The following PLXDC2 variants were observed in gnomAD, a reference collection of about 807,000 sequenced individuals.
PLXDC2 encodes plexin domain containing 2, also known as plexin domain-containing protein 2.
A neutral mutation model predicts 68.9 loss-of-function variants in PLXDC2; 40 were observed. The observed-to-expected ratio is 0.58, with a 90% CI of 0.45 to 0.76. PLXDC2 has a LOEUF of 0.76. PLXDC2 is among the 30% of genes least tolerant of loss of function. The probability of loss-of-function intolerance (pLI) is 0.00; values close to 1 mark genes in which losing one functional copy is unlikely to be tolerated. For synonymous variants in PLXDC2, 243 were observed against 234.2 expected (o/e 1.04, Z -0.34); for missense variants, 644 against 661.9 (o/e 0.97, Z 0.30).
At chr10:20,022,748 G>A (rs1835333286) in intron 2 of PLXDC2, among the ~76,000 whole-genome samples, 1 of 152,154 alleles carries the variant, frequency 6.6e-6, no homozygotes, top group Admixed American at 6.5e-5. Context: ...CCAAGGCGAA[G>A]AGTGATGTAC....
intron 1 of PLXDC2, among the ~76,000 whole-genome samples, chr10:19,831,608 C>T (rs1836694000): frequency 6.6e-6 from 1 of 152,058 alleles, no homozygotes; most frequent in Non-Finnish European, 1.5e-5. Context: ...TCAGATAGAC[C>T]CCAGTGTCTG....
chr10:20,149,786 T>C (rs1834129386), intron 6 of PLXDC2, among the ~76,000 whole-genome samples: 1 of 152,200 alleles, frequency 6.6e-6, no homozygotes, highest in Admixed American at 6.5e-5. Flanking sequence ...TTCCATGGTG[T>C]ATATGTACCT....
chr10:20,153,683 C>G (rs1834179217), intron 6 of PLXDC2, among the ~76,000 whole-genome samples: 1 of 152,116 alleles, frequency 6.6e-6, no homozygotes, highest in Non-Finnish European at 1.5e-5. Context: ...GTATACTTCT[C>G]ACAAAAACCA....
intron 12 of PLXDC2, among the ~76,000 whole-genome samples, chr10:20,242,391 T>C (rs754662166): frequency 1.4e-4 from 21 of 152,282 alleles, no homozygotes; most frequent in Non-Finnish European, 2.5e-4. Context: ...TCAGGTACTC[T>C]CCTAAGAACT....
chr10:20,222,015 G>A (rs1008334023), intron 12 of PLXDC2, among the ~76,000 whole-genome samples: 9 of 152,144 alleles, frequency 5.9e-5, no homozygotes, highest in African/African-American at 1.9e-4. Context: ...CATTGTTACA[G>A]TAATAAAGCA....
chr10:19,884,332 C>A (rs1204769839), intron 1 of PLXDC2, among the ~76,000 whole-genome samples: 3 of 152,054 alleles, frequency 2.0e-5, no homozygotes, highest in East Asian at 3.8e-4. Flanking sequence ...AAAATATAAA[C>A]CTCTACATCT....
chr10:19,819,259 G>GA (rs1332050493), intron 1 of PLXDC2, among the ~76,000 whole-genome samples: 1 of 152,182 alleles, frequency 6.6e-6, no homozygotes, highest in Admixed American at 6.5e-5. Context: ...CCCATATATT[G>GA]ATAGGATTGA....
intron 4 of PLXDC2, among the ~76,000 whole-genome samples, chr10:20,077,821 C>T (rs993562337): frequency 6.6e-6 from 1 of 152,094 alleles, no homozygotes; most frequent in African/African-American, 2.4e-5. Flanking sequence ...TTAATTGTGA[C>T]AAAATACACA....
chr10:20,048,431 A>C (rs1835835641), intron 3 of PLXDC2, among the ~76,000 whole-genome samples: 2 of 152,000 alleles, frequency 1.3e-5, no homozygotes, highest in African/African-American at 4.8e-5. Flanking sequence ...TGACAGATTT[A>C]GAAATAATTC....
At chr10:19,884,081 G>T (rs142427633) in intron 1 of PLXDC2, among the ~76,000 whole-genome samples, 2 of 148,876 alleles carry the variant, frequency 1.3e-5, no homozygotes, top group Non-Finnish European at 3.0e-5. Flanking sequence ...TTTTTTTGTA[G>T]AGATGGGGTT....
intron 3 of PLXDC2, among the ~76,000 whole-genome samples, chr10:20,049,311 G>A (rs1241141744): frequency 6.6e-6 from 1 of 152,080 alleles, no homozygotes; most frequent in Non-Finnish European, 1.5e-5. Context: ...ACACAAGGAT[G>A]ACCTCTGTCG....
chr10:19,970,923 C>G (rs1834341396), intron 1 of PLXDC2, among the ~76,000 whole-genome samples: 1 of 152,172 alleles, frequency 6.6e-6, no homozygotes, highest in Non-Finnish European at 1.5e-5. Context: ...GAGTCTCTCT[C>G]TGAGCTTCGT....
intron 1 of PLXDC2, among the ~76,000 whole-genome samples, chr10:19,933,928 CAGAA>C (rs1253785667): frequency 6.6e-6 from 1 of 151,796 alleles, no homozygotes; most frequent in African/African-American, 2.4e-5. Context: ...GAAGGAAGGA[CAGAA>C]GGAAGGAAGA....
chr10:19,890,401 T>C (rs1244425465), intron 1 of PLXDC2, among the ~76,000 whole-genome samples: 1 of 152,126 alleles, frequency 6.6e-6, no homozygotes, highest in Non-Finnish European at 1.5e-5. Context: ...GCCCCTCTTC[T>C]TCCCTCCGCT....
At chr10:20,116,945 CA>C (rs1448371181) in intron 4 of PLXDC2, among the ~76,000 whole-genome samples, 1 of 148,248 alleles carries the variant, frequency 6.7e-6, no homozygotes, top group Non-Finnish European at 1.5e-5. Flanking sequence ...AAATAATGCA[CA>C]ATGAATAAAA....
intron 1 of PLXDC2, among the ~76,000 whole-genome samples, chr10:19,883,941 T>G (rs1837789715): frequency 7.3e-6 from 1 of 136,086 alleles, no homozygotes; most frequent in Non-Finnish European, 1.5e-5. Context: ...CTGCCCTGGC[T>G]GGAGTGTGGT....
intron 7 of PLXDC2, among the ~76,000 whole-genome samples, chr10:20,170,764 A>G (rs1244164096): frequency 2.0e-5 from 3 of 152,150 alleles, no homozygotes; most frequent in African/African-American, 7.2e-5. Context: ...ATTGAATTTA[A>G]TTCATTAACT....
At chr10:20,250,935 G>A (rs945993770) in intron 13 of PLXDC2, among the ~76,000 whole-genome samples, 1 of 151,890 alleles carries the variant, frequency 6.6e-6, no homozygotes, top group Admixed American at 6.6e-5. Context: ...ACATTTTGTG[G>A]ACACCAACAC....
intron 1 of PLXDC2, among the ~76,000 whole-genome samples, chr10:19,819,355 C>T (rs1381224838): frequency 2.6e-5 from 4 of 152,030 alleles, no homozygotes; most frequent in Admixed American, 2.0e-4. Context: ...ACATCATTTA[C>T]ATGTAGTTTT....
Sources: allele counts gnomAD v4.1 joint callset (sites outside exome capture counted in the v4.1 genomes callset), GRCh38; gene constraint gnomAD v4.1.1; transcripts MANE v1.5; gene names NCBI Gene and HGNC (gene_info 2026-07-23, HGNC 2026-07-21).